Variants in PUS3 observed in about 807,000 individuals in gnomAD.
The protein encoded by PUS3 is tRNA pseudouridine(38/39) synthase.
Under a neutral mutation model 43.3 loss-of-function variants are expected in PUS3, and 36 were observed. The ratio of observed to expected loss-of-function variants is 0.83; its 90% CI spans 0.64 to 1.10. PUS3 has a LOEUF of 1.10. Ranked by LOEUF, PUS3 falls within the 50% of genes least tolerant of loss-of-function variation. The pLI, the probability that PUS3 is intolerant of heterozygous loss-of-function variation, is 0.00. For synonymous variants in PUS3, 183 were observed against 199.2 expected (o/e 0.92, Z 0.69); for missense variants, 544 against 589.9 (o/e 0.92, Z 0.81).
intron 1 of PUS3, chr11:125,900,327 C>A: frequency 6.6e-7 from 1 of 1,510,542 alleles, no homozygotes; most frequent in Non-Finnish European, 9.2e-7. Context: ...TATATCTTCC[C>A]TTTTAAATAG....
intron 1 of PUS3, chr11:125,900,373 A>G (rs1477378717): frequency 9.1e-7 from 1 of 1,093,326 alleles, no homozygotes; most frequent in Non-Finnish European, 1.4e-6. Context: ...GAAACATTTT[A>G]TGGTAAGGAC....
At chr11:125,900,079 AC>A in intron 1 of PUS3, 1 of 1,614,210 alleles carries the variant, frequency 6.2e-7, no homozygotes, top group Non-Finnish European at 8.5e-7. Context: ...GAAAGGAATT[AC>A]GCTGGGGTGT....
In PUS3 at chr11:125,893,592, C is replaced by T. The variant is rs182497200; in HGVS notation, c.*193G>A. 27 of 479,844 alleles carry T rather than the reference C, an allele frequency of 5.6e-5. No individual in the cohort carries two copies. The highest frequency in any genetic ancestry group is 5.4e-4 in the African/African-American group (27 of 49,724). 29.7% of individuals were successfully genotyped at this position (479,844 alleles called of 1,614,324 possible). A position where few individuals can be genotyped will look rare whatever the true frequency, so the allele number is the denominator to read the frequency against. ...CTTTAATCGCTTAATCCTTTTGGAC[C>T]GGGATAAGAGAATATTTGAAATTTC... On this transcript the variant is annotated 3_prime_UTR_variant, in exon 4 of 4. Coordinates refer to ENST00000227474, the MANE Select transcript of PUS3 (RefSeq NM_031307.4).
At chr11:125,899,194 T>G in intron 1 of PUS3, 1 of 614,536 alleles carries the variant, frequency 1.6e-6, no homozygotes. Flanking sequence ...AATGCCCCTC[T>G]AAACTGTTCT....
chr11:125,899,619 A>T (rs1173212065), intron 1 of PUS3: 1 of 1,614,166 alleles, frequency 6.2e-7, no homozygotes, highest in East Asian at 2.2e-5. Context: ...ACAGTCTCTG[A>T]GGCCTCCCAA....
Position 125,893,748 on chromosome 11 carries a change from A to G in PUS3, c.*37T>C, listed in dbSNP as rs917872498. On this transcript the variant is annotated 3_prime_UTR_variant, in exon 4 of 4. Transcript: ENST00000227474. ...TTTTTTCCTTTTCTGTCCACCTACC[A>G]TTAGGTGGTTCCTAGATCCTGGCAA... 5.3e-6 allele frequency: 8 copies of G among 1,510,002 alleles called. No homozygotes were observed. The highest frequency in any genetic ancestry group is 6.2e-6 in the Non-Finnish European group (7 of 1,127,000). 93.5% of individuals were successfully genotyped at this position (1,510,002 alleles called of 1,614,324 possible).
Position 125,896,007 on chromosome 11 carries a change from A to G in PUS3, c.278T>C (p.Leu93Pro). ...ENTNNTIEEKLFEALTKTRLV... is the reference protein window; with the variant it reads ...ENTNNTIEEKPFEALTKTRLV... The stretch of plus-strand genomic sequence containing the variant: ...TCGAGTCTTGGTTAGAGCTTCAAAC[A>G]GTTTCTCTTCAATGGTATTATTTGT... Residue 93 changes from leucine to proline, a missense_variant, in exon 2 of 4, where the codon CTG becomes CCG. Leu to Pro is a moderately conservative substitution (Grantham distance 98, BLOSUM62 -3). Coordinates refer to ENST00000227474, the MANE Select transcript of PUS3 (RefSeq NM_031307.4). 1.2e-6 allele frequency: 2 copies of G among 1,614,152 alleles called. No homozygotes were observed. The highest frequency in any genetic ancestry group is 1.7e-6 in the Non-Finnish European group (2 of 1,180,020).
In PUS3 at chr11:125,896,177, C is replaced by T. The variant is rs1374923796; in HGVS notation, c.108G>A (p.Lys36=). The part of the protein sequence containing the change: ...QRLKKEQAKN[K]EDSNIRENSA... ...AATTTTCTCTAATGTTTGAGTCCTCCTTATTTTTGGCCTGTTCCTTTTTAA... is the reference window on the plus strand; with the variant it reads ...AATTTTCTCTAATGTTTGAGTCCTCTTTATTTTTGGCCTGTTCCTTTTTAA... Residue 36 remains lysine, a synonymous_variant, in exon 2 of 4, where the codon AAG becomes AAA. Transcript: ENST00000227474. 1.2e-6 allele frequency: 2 copies of T among 1,614,020 alleles called. No individual in the cohort carries two copies. Among genetic ancestry groups the T allele is most frequent in the Admixed American group, 3.3e-5 (2 of 60,002 alleles).
At position 125,903,173 on chromosome 11, in the gene PUS3, C is replaced by G; in HGVS notation, c.-50G>C. 1.0e-6 allele frequency: 1 copy of G among 985,490 alleles called. No homozygotes were observed. Among genetic ancestry groups the G allele is most frequent in the Non-Finnish European group, 1.2e-6 (1 of 829,946 alleles). The allele number at this position is 985,490 out of a possible 1,614,324, so 61.0% of individuals were successfully genotyped here. On this transcript the variant is annotated 5_prime_UTR_variant, in exon 1 of 4. Transcript: ENST00000227474. ...ACTCCAAAAATCCCACACTTACTTT[C>G]CGGCAGCCGGCCGCGCCGCGTTTCC...
In PUS3 at chr11:125,895,331, G is replaced by C. The variant is rs1565453004; in HGVS notation, c.837C>G (p.Val279=). 6.2e-7 allele frequency: 1 copy of C among 1,614,104 alleles called. No individual in the cohort carries two copies. Among genetic ancestry groups the C allele is most frequent in the South Asian group, 1.1e-5 (1 of 91,080 alleles). ...VTGQAFLYHQ[V]RCMMAILFLI... is the part of the protein sequence containing the mutation. ...GAAAGAGGATAGCCATCATACATCG[G>C]ACTTGATGATAAAGGAATGCCTGGC... The change falls in exon 3 of 4, where the codon GTC becomes GTG. Residue 279 remains valine (V), a synonymous_variant. Coordinates refer to ENST00000227474, the MANE Select transcript of PUS3 (RefSeq NM_031307.4).
At position 125,895,292 on chromosome 11, in the gene PUS3, T is replaced by C. The variant is rs780519850; in HGVS notation, c.876A>G (p.Gly292=). 2.5e-6 allele frequency: 4 copies of C among 1,613,378 alleles called. No individual in the cohort carries two copies. Residue 292 remains glycine, a synonymous_variant, in exon 3 of 4, where the codon GGA becomes GGG. Coordinates refer to ENST00000227474, the MANE Select transcript of PUS3 (RefSeq NM_031307.4). ...CATCAATAATCTCTGGCTTCTCCAT[T>C]CCTTGGCCAATCAGAAAGAGGATAG... is the stretch of plus-strand genomic sequence containing the variant. The part of the protein sequence containing the change: ...MMAILFLIGQ[G]MEKPEIIDEL...
intron 2 of PUS3, 47 bp from the exon 3 acceptor site, chr11:125,895,836 T>C: frequency 6.3e-7 from 1 of 1,580,980 alleles, no homozygotes; most frequent in Non-Finnish European, 8.6e-7. Flanking sequence ...ACAAATAATC[T>C]CAGTACTCAG....
At chr11:125,901,900 C>G (rs1268211133) in intron 1 of PUS3, among the ~76,000 whole-genome samples, 1 of 152,084 alleles carries the variant, frequency 6.6e-6, no homozygotes, top group Non-Finnish European at 1.5e-5. Flanking sequence ...AAGATCAAAA[C>G]CTAACGAGTA....
rs925610379 is a variant in PUS3, at chr11:125,895,321, T to C, written c.847A>G (p.Met283Val). The C allele has an allele frequency of 1.2e-6, 2 of 1,614,126 alleles. No homozygotes were observed. The part of the protein sequence containing the change: ...AFLYHQVRCM[M>V]AILFLIGQGM... The stretch of plus-strand genomic sequence containing the variant: ...TGGCCAATCAGAAAGAGGATAGCCA[T>C]CATACATCGGACTTGATGATAAAGG... Residue 283 changes from methionine to valine, a missense_variant, in exon 3 of 4, where the codon ATG (methionine) becomes GTG (valine). Coordinates refer to ENST00000227474, the MANE Select transcript of PUS3 (RefSeq NM_031307.4).
chr11:125,899,783 C>A, intron 1 of PUS3: 1 of 1,614,130 alleles, frequency 6.2e-7, no homozygotes, highest in Non-Finnish European at 8.5e-7. Context: ...GATGAATGTA[C>A]AGTTCCAGGA....
intron 3 of PUS3, among the ~76,000 whole-genome samples, chr11:125,894,942 C>T (rs1944528711): frequency 6.6e-6 from 1 of 152,180 alleles, no homozygotes; most frequent in Non-Finnish European, 1.5e-5. Context: ...ATACACTGCT[C>T]CCTCTTACAT....
rs374773630 is a variant in PUS3 at position 125,893,955 on chromosome 11, G to A, written c.1276C>T (p.Arg426Trp). The change falls in exon 4 of 4, where the codon CGG becomes TGG. Residue 426 changes from arginine (R) to tryptophan (W), a missense_variant. Coordinates refer to ENST00000227474, the MANE Select transcript of PUS3 (RefSeq NM_031307.4). Reference sequence around the variant, plus strand: ...CCCCTACGTACAAAATGCTGGATCCGGGATTCCAGTCCTTGGCATTTAGGA... The same window carrying A: ...CCCCTACGTACAAAATGCTGGATCCAGGATTCCAGTCCTTGGCATTTAGGA... The part of the protein sequence containing the change: ...DRPKCQGLES[R>W]IQHFVRRGRI... 28 of 1,613,950 alleles carry A rather than the reference G, an allele frequency of 1.7e-5. No individual in the cohort carries two copies. Among genetic ancestry groups the A allele is most frequent in the East Asian group, 4.5e-5 (2 of 44,894 alleles).
intron 3 of PUS3, 91 bp downstream of exon 3, chr11:125,895,133 G>T: frequency 2.0e-6 from 2 of 1,014,262 alleles, no homozygotes; most frequent in Non-Finnish European, 2.8e-6. Flanking sequence ...TGCAACCTCC[G>T]CCTCCTGGCT....
chr11:125,900,331 T>C, intron 1 of PUS3: 1 of 1,491,706 alleles, frequency 6.7e-7, no homozygotes, highest in Non-Finnish European at 9.3e-7. Flanking sequence ...TCTTCCCTTT[T>C]AAATAGAAAC....
Sources: allele counts gnomAD v4.1 joint callset (sites outside exome capture counted in the v4.1 genomes callset), GRCh38; gene constraint gnomAD v4.1.1; transcripts MANE v1.5; gene names NCBI Gene and HGNC (gene_info 2026-07-23, HGNC 2026-07-21).